Variants in MAP3K15 observed in about 807,000 individuals in gnomAD.
The protein encoded by MAP3K15 is mitogen-activated protein kinase kinase kinase 15.
A neutral mutation model predicts 99.5 loss-of-function variants in MAP3K15; 124 were observed. That is an observed-to-expected ratio of 1.25 (90% CI 1.08 to 1.45). The LOEUF is 1.45. MAP3K15 is among the 40% of genes most tolerant of loss of function. The probability of loss-of-function intolerance (pLI) is 0.00; values close to 1 mark genes in which losing one functional copy is unlikely to be tolerated. For missense variants in MAP3K15, 1,242 were observed against 1,079.7 expected (o/e 1.15, Z -2.11); for synonymous variants, 494 against 439.6 (o/e 1.12, Z -1.55).
chrX:19,378,983 C>A (rs777066836), intron 19 of MAP3K15, among the ~76,000 whole-genome samples: 14 of 111,395 alleles, frequency 1.3e-4, no homozygotes, highest in Non-Finnish European at 2.6e-4. Context: ...CCCCCAAAGG[C>A]ACAGATCCCA....
chrX:19,438,198 C>T (rs1162033940), intron 6 of MAP3K15, among the ~76,000 whole-genome samples: 1 of 111,484 alleles, frequency 9.0e-6, no homozygotes, highest in Non-Finnish European at 1.9e-5. Flanking sequence ...TAGGCTCAAG[C>T]TCCTGGGCTC....
At chrX:19,430,045 T>C (rs1376432719) in intron 7 of MAP3K15, among the ~76,000 whole-genome samples, 1 of 111,996 alleles carries the variant, frequency 8.9e-6, no homozygotes, top group East Asian at 2.8e-4. Context: ...TGTGATAGAC[T>C]GTTTAATGGC....
At chrX:19,501,166 C>T (rs1170834989) in intron 1 of MAP3K15, among the ~76,000 whole-genome samples, 1 of 111,494 alleles carries the variant, frequency 9.0e-6, no homozygotes, top group Admixed American at 9.6e-5. Flanking sequence ...CCTGGGAGCA[C>T]TCATGGTTGT....
intron 1 of MAP3K15, among the ~76,000 whole-genome samples, chrX:19,511,727 G>T (rs1401889220): frequency 1.8e-5 from 2 of 111,950 alleles, no homozygotes; most frequent in East Asian, 2.8e-4. Context: ...GTGGGAGTGT[G>T]AATTAGTTCA....
At chrX:19,392,777 G>A (rs919503934) in intron 16 of MAP3K15, among the ~76,000 whole-genome samples, 3 of 111,523 alleles carry the variant, frequency 2.7e-5, no homozygotes, top group African/African-American at 6.5e-5. Context: ...GGAGGAGAGC[G>A]AAATAATGCT....
intron 1 of MAP3K15, among the ~76,000 whole-genome samples, chrX:19,491,112 T>C (rs2064366142): frequency 9.0e-6 from 1 of 111,613 alleles, no homozygotes; most frequent in African/African-American, 3.3e-5. Context: ...CAGACACCGC[T>C]AGCTCTGTAG....
chrX:19,390,905 T>C (rs778977306), intron 18 of MAP3K15, among the ~76,000 whole-genome samples: 1 of 111,221 alleles, frequency 9.0e-6, no homozygotes, highest in South Asian at 3.8e-4. Flanking sequence ...ACTATAAACC[T>C]TTACTTATTC....
At chrX:19,402,127 A>ATT (rs200204588) in intron 13 of MAP3K15, among the ~76,000 whole-genome samples, 289 of 89,922 alleles carry the variant, frequency 3.2e-3, no homozygotes, top group African/African-American at 0.016. Flanking sequence ...CGTTTCTACA[A>ATT]TTTTTTTTTT....
intron 1 of MAP3K15, among the ~76,000 whole-genome samples, chrX:19,504,744 G>A (rs5955805): frequency 0.19 from 21,281 of 110,142 alleles, 1,778 homozygotes; most frequent in African/African-American, 0.3. Flanking sequence ...TAGGTGGATC[G>A]CTTGAGCCCA....
intron 1 of MAP3K15, among the ~76,000 whole-genome samples, chrX:19,499,636 T>C (rs1008917594): frequency 8.9e-6 from 1 of 112,116 alleles, no homozygotes; most frequent in African/African-American, 3.2e-5. Flanking sequence ...TACATATAAC[T>C]GTATGGACGA....
At chrX:19,363,129 GC>G (rs1041670071) in intron 25 of MAP3K15, among the ~76,000 whole-genome samples, 1 of 111,917 alleles carries the variant, frequency 8.9e-6, no homozygotes, top group African/African-American at 3.2e-5. Context: ...CTCAATGTGT[GC>G]CCCTCACCCG....
At chrX:19,378,202 C>T (rs980535610) in intron 19 of MAP3K15, among the ~76,000 whole-genome samples, 1 of 112,383 alleles carries the variant, frequency 8.9e-6, no homozygotes, top group South Asian at 3.6e-4. Context: ...CTATCAGGGC[C>T]GTGTCCACAC....
At chrX:19,399,012 G>A (rs891423482) in intron 14 of MAP3K15, among the ~76,000 whole-genome samples, 5 of 112,412 alleles carry the variant, frequency 4.4e-5, no homozygotes, top group Non-Finnish European at 1.9e-5. Context: ...CAGAGAGGCA[G>A]CAATCAATTT....
At position 19,371,855 on chromosome X, in the gene MAP3K15, G is replaced by A. The variant is rs771094101; in HGVS notation, c.3109-325C>T. Among the ~76,000 whole-genome samples, 17 of 111,605 alleles carry A rather than the reference G, an allele frequency of 1.5e-4. 1 individual carries two copies. In the South Asian group the frequency reaches 5.6e-3, roughly 37 times the overall value. The stretch of plus-strand genomic sequence containing the variant: ...CCATCTGAAATAAGGGAGGGGGGCC[G>A]GGCACGGTGGCTCACACCTGTAATC... On this transcript the variant is annotated intron_variant, in intron 22 of 28. Transcript: ENST00000338883.
At chrX:19,421,578 C>T (rs78572825) in intron 9 of MAP3K15, among the ~76,000 whole-genome samples, 1 of 109,324 alleles carries the variant, frequency 9.1e-6, no homozygotes, top group East Asian at 2.8e-4. Context: ...TAGGAAGAAT[C>T]AATATCGTGA....
At chrX:19,394,789 C>CTTTTTT (rs144723219) in intron 16 of MAP3K15, among the ~76,000 whole-genome samples, 1 of 17,512 alleles carries the variant, frequency 5.7e-5, no homozygotes, top group African/African-American at 1.4e-4. Flanking sequence ...GGGTCTGTTG[C>CTTTTTT]TTTTTTTTTT....
chrX:19,496,705 G>C (rs1338583706), intron 1 of MAP3K15: 1 of 111,565 alleles, frequency 9.0e-6, no homozygotes, highest in Non-Finnish European at 1.9e-5. Flanking sequence ...TTGTTAAAAT[G>C]AATGTCAGCC....
chrX:19,478,531 A>T (rs190146114), intron 3 of MAP3K15, among the ~76,000 whole-genome samples: 3 of 109,634 alleles, frequency 2.7e-5, no homozygotes, highest in Non-Finnish European at 5.7e-5. Flanking sequence ...CGAGACCTAC[A>T]CATGTTCCTA....
chrX:19,509,193 G>A (rs1043267929), intron 1 of MAP3K15, among the ~76,000 whole-genome samples: 2 of 111,597 alleles, frequency 1.8e-5, no homozygotes, highest in East Asian at 5.6e-4. Context: ...CACAGGAAGT[G>A]CTTAAATTTC....
Sources: allele counts gnomAD v4.1 joint callset (sites outside exome capture counted in the v4.1 genomes callset), GRCh38; gene constraint gnomAD v4.1.1; transcripts MANE v1.5; gene names NCBI Gene and HGNC (gene_info 2026-07-23, HGNC 2026-07-21).